ATP8A1: variants seen among roughly 807,000 people sequenced by gnomAD.
ATP8A1 encodes the protein ATPase phospholipid transporting 8A1.
ATP8A1 carries 90 observed loss-of-function variants against 177.7 expected under a neutral mutation model. The observed-to-expected ratio is 0.51, with a 90% CI of 0.43 to 0.60. ATP8A1 has a LOEUF of 0.60. ATP8A1 is among the 20% of genes least tolerant of loss of function. ATP8A1 has a pLI of 0.00. For missense variants in ATP8A1, 1,072 were observed against 1,392.8 expected (o/e 0.77, Z 3.67); for synonymous variants, 493 against 485.9 (o/e 1.01, Z -0.19).
rs115034360 is a variant in ATP8A1 at position 42,650,311 on chromosome 4, C to T, written c.49+6514G>A. Among the ~76,000 whole-genome samples the T allele has an allele frequency of 5.7e-4, 87 of 152,322 alleles. 1 individual carries two copies. The highest frequency in any genetic ancestry group is 2.0e-3 in the African/African-American group (82 of 41,574). ...CAAATATTGATGACATGCTGTATCG[C>T]TATACTCATACACACCTTCTCACAC... On this transcript the variant is annotated intron_variant, in intron 1 of 36. Transcript: ENST00000381668.
intron 20 of ATP8A1, among the ~76,000 whole-genome samples, chr4:42,532,968 TA>T (rs1250483166): frequency 6.6e-6 from 1 of 152,196 alleles, no homozygotes; most frequent in Non-Finnish European, 1.5e-5. Context: ...GAACTAATGA[TA>T]ATCCCACCAC....
At chr4:42,513,188 T>A (rs978028927) in intron 22 of ATP8A1, among the ~76,000 whole-genome samples, 1 of 152,176 alleles carries the variant, frequency 6.6e-6, no homozygotes, top group Non-Finnish European at 1.5e-5. Flanking sequence ...CATTCTCCCT[T>A]AGCCTGGCCT....
chr4:42,556,193 T>C (rs1730217684), intron 15 of ATP8A1, 153 bp from the exon 16 acceptor site: 2 of 459,656 alleles, frequency 4.4e-6, no homozygotes, highest in Non-Finnish European at 7.8e-6. Context: ...ACATCACAGA[T>C]TTCATGATTG....
chr4:42,489,532 C>T (rs1224566020), intron 24 of ATP8A1, among the ~76,000 whole-genome samples: 5 of 152,156 alleles, frequency 3.3e-5, no homozygotes, highest in Admixed American at 6.5e-5. Context: ...TGAATTCACT[C>T]GTCAGCCCAC....
chr4:42,607,163 C>T (rs17532329), intron 5 of ATP8A1, among the ~76,000 whole-genome samples: 34,235 of 152,086 alleles, frequency 0.23, 4,344 homozygotes, highest in Non-Finnish European at 0.29. Context: ...GGTAGGCTCC[C>T]TAGAAATGAG....
At chr4:42,439,250 A>T (rs1237809300) in intron 33 of ATP8A1, among the ~76,000 whole-genome samples, 1 of 152,164 alleles carries the variant, frequency 6.6e-6, no homozygotes, top group East Asian at 1.9e-4. Context: ...AGGAATTGGA[A>T]GACAAACTCA....
intron 20 of ATP8A1, among the ~76,000 whole-genome samples, chr4:42,528,422 C>T (rs137936882): frequency 0.03 from 4,558 of 152,208 alleles, 222 homozygotes; most frequent in African/African-American, 0.1. Context: ...CCACCACATC[C>T]CCATTCAACT....
intron 32 of ATP8A1, 139 bp from the exon 33 acceptor site, chr4:42,443,811 G>GC: frequency 3.7e-6 from 2 of 546,496 alleles, no homozygotes; most frequent in Admixed American, 3.3e-5. Flanking sequence ...CTACCTAATT[G>GC]TGTGTGTTTT....
Position 42,443,634 on chromosome 4 carries a change from C to A in ATP8A1, c.3054G>T (p.Trp1018Cys), listed in dbSNP as rs1433203002. The change falls in exon 33 of 37, where the codon TGG becomes TGT. Residue 1018 changes from tryptophan (W) to cysteine (C), a missense_variant. Trp to Cys is a radical substitution (Grantham distance 215). Coordinates refer to ENST00000381668, the MANE Select transcript of ATP8A1 (RefSeq NM_006095.2). ...ATGAGTAGATTCCAAAAAACACCACCCAGAGTGCGATGCTCCCCCATATCG... is the reference window on the plus strand; with the variant it reads ...ATGAGTAGATTCCAAAAAACACCACACAGAGTGCGATGCTCCCCCATATCG... ...HIAIWGSIAL[W>C]VVFFGIYSSL... is the part of the protein sequence containing the mutation. 1.3e-6 allele frequency: 2 copies of A among 1,574,194 alleles called. No homozygotes were observed. Among genetic ancestry groups the A allele is most frequent in the Non-Finnish European group, 1.7e-6 (2 of 1,143,836 alleles).
chr4:42,507,008 T>A lies in ATP8A1; in HGVS notation c.2086+8A>T, dbSNP rs771579125. 1 of 1,612,324 alleles carries A rather than the reference T, an allele frequency of 6.2e-7. No homozygotes were observed. Among genetic ancestry groups the A allele is most frequent in the African/African-American group, 1.3e-5 (1 of 74,858 alleles). On this transcript the variant is annotated splice_region_variant and intron_variant, in intron 23 of 36. Coordinates refer to ENST00000381668, the MANE Select transcript of ATP8A1 (RefSeq NM_006095.2). ...ACCAACATGTAAAATGTGAACTAGGTGAATTACCGATGTTAATGGCAGTTT... is the reference window on the plus strand; with the variant it reads ...ACCAACATGTAAAATGTGAACTAGGAGAATTACCGATGTTAATGGCAGTTT...
chr4:42,648,190 T>G (rs1331929530), intron 1 of ATP8A1, among the ~76,000 whole-genome samples: 1 of 152,154 alleles, frequency 6.6e-6, no homozygotes, highest in Non-Finnish European at 1.5e-5. Flanking sequence ...GATTCAATGA[T>G]GTACTCATAA....
chr4:42,610,868 T>C (rs1329477697), intron 5 of ATP8A1, among the ~76,000 whole-genome samples: 1 of 152,222 alleles, frequency 6.6e-6, no homozygotes, highest in Non-Finnish European at 1.5e-5. Flanking sequence ...GCAGAATATA[T>C]GTTCAGGTCT....
chr4:42,551,101 C>T, intron 18 of ATP8A1, 97 bp downstream of exon 18: 1 of 985,876 alleles, frequency 1.0e-6, no homozygotes, highest in Admixed American at 1.9e-5. Context: ...AGTGGGGAAC[C>T]TCTATTTTAC....
Position 42,485,484 on chromosome 4 carries a change from A to C in ATP8A1, c.2324+12T>G. ...TCTTTACTAAAATCTGACAATGATA[A>C]GGAGAACTTACCGACAGCAAATGAC... On this transcript the variant is annotated intron_variant, in intron 25 of 36. Transcript: ENST00000381668. 1.3e-6 allele frequency: 2 copies of C among 1,597,510 alleles called. No individual in the cohort carries two copies. The highest frequency in any genetic ancestry group is 1.7e-6 in the Non-Finnish European group (2 of 1,172,158).
intron 25 of ATP8A1, among the ~76,000 whole-genome samples, chr4:42,478,723 G>C (rs1159498929): frequency 1.3e-5 from 2 of 152,164 alleles, no homozygotes; most frequent in Admixed American, 1.3e-4. Context: ...CGCAGTGACC[G>C]AGCAGGGTCA....
chr4:42,540,754 G>C (rs1224006331), intron 20 of ATP8A1, among the ~76,000 whole-genome samples: 1 of 152,010 alleles, frequency 6.6e-6, no homozygotes, highest in Non-Finnish European at 1.5e-5. Context: ...GAGGTAGAAA[G>C]TACAAACACC....
chr4:42,596,445 G>A (rs1366441285), intron 6 of ATP8A1, among the ~76,000 whole-genome samples: 2 of 151,952 alleles, frequency 1.3e-5, no homozygotes, highest in African/African-American at 2.4e-5. Context: ...TGAGGCGGGC[G>A]GATCACCTGA....
chr4:42,446,041 C>T (rs541076970), intron 31 of ATP8A1, among the ~76,000 whole-genome samples: 2 of 135,222 alleles, frequency 1.5e-5, no homozygotes, highest in African/African-American at 5.5e-5. Flanking sequence ...GGTCATGCCA[C>T]TGCACTCCAG....
chr4:42,439,545 G>A (rs1353628614), intron 33 of ATP8A1, among the ~76,000 whole-genome samples: 2 of 152,200 alleles, frequency 1.3e-5, no homozygotes, highest in Non-Finnish European at 2.9e-5. Context: ...TAGGGGCCCC[G>A]CACCATTAGG....
Sources: allele counts gnomAD v4.1 joint callset (sites outside exome capture counted in the v4.1 genomes callset), GRCh38; gene constraint gnomAD v4.1.1; transcripts MANE v1.5; gene names NCBI Gene and HGNC (gene_info 2026-07-23, HGNC 2026-07-21).